Variants in RNF182 observed in about 807,000 individuals in gnomAD.
RNF182 encodes the protein ring finger protein 182.
RNF182 carries 15 observed loss-of-function variants against 14.4 expected under a neutral mutation model. The observed-to-expected ratio is 1.04, with a 90% CI of 0.70 to 1.60. The LOEUF (loss-of-function observed/expected upper bound fraction) is 1.60, where lower values mean the gene tolerates loss of function less well. RNF182 is among the 40% of genes most tolerant of loss of function. The pLI, the probability that RNF182 is intolerant of heterozygous loss-of-function variation, is 0.00. For missense variants in RNF182, 268 were observed against 294.8 expected (o/e 0.91, Z 0.67); for synonymous variants, 128 against 122.9 (o/e 1.04, Z -0.27).
chr6:13,965,840 A>G (rs746989002), intron 1 of RNF182, among the ~76,000 whole-genome samples: 11 of 152,194 alleles, frequency 7.2e-5, no homozygotes, highest in Non-Finnish European at 1.2e-4. Flanking sequence ...GACAGACTAA[A>G]ACCGAGGGCT....
chr6:13,928,848 T>G (rs1585027707), intron 1 of RNF182, among the ~76,000 whole-genome samples: 2 of 134,416 alleles, frequency 1.5e-5, no homozygotes, highest in African/African-American at 2.9e-5. Flanking sequence ...TGGCCAAAGG[T>G]GGTGCAGGGG....
At chr6:13,945,713 T>A (rs1339908575) in intron 1 of RNF182, among the ~76,000 whole-genome samples, 1 of 152,260 alleles carries the variant, frequency 6.6e-6, no homozygotes, top group Non-Finnish European at 1.5e-5. Context: ...AAAATGTTTA[T>A]TCCCTTGTTA....
Position 13,977,635 on chromosome 6 carries a change from C to A in RNF182, c.516C>A (p.Asn172Lys), listed in dbSNP as rs1342387863. 6.2e-7 allele frequency: 1 copy of A among 1,614,094 alleles called. No homozygotes were observed. Among genetic ancestry groups the A allele is most frequent in the Non-Finnish European group, 8.5e-7 (1 of 1,180,038 alleles). The change falls in exon 3 of 3, where the codon AAC (asparagine) becomes AAA (lysine). Residue 172 changes from asparagine to lysine, a missense_variant. By Grantham distance (94) the Asn-to-Lys change is moderately conservative. Transcript: ENST00000488300. ...TGTCACACAACTGGACTGTGTGGAA[C>A]TGCACGTCCCTGCTGTTTCAGACAT... ...TTVSHNWTVW[N>K]CTSLLFQTSI...
intron 1 of RNF182, among the ~76,000 whole-genome samples, chr6:13,948,914 A>G (rs576939646): frequency 6.6e-6 from 1 of 152,172 alleles, no homozygotes; most frequent in Non-Finnish European, 1.5e-5. Context: ...TTAATATTAC[A>G]TGAAAATCTT....
intron 1 of RNF182, among the ~76,000 whole-genome samples, chr6:13,946,512 G>A (rs1175490937): frequency 6.6e-6 from 1 of 152,132 alleles, no homozygotes; most frequent in Admixed American, 6.5e-5. Context: ...TAAGATATCA[G>A]GACATCAGGA....
chr6:13,937,591 G>T (rs1759164103), intron 1 of RNF182, among the ~76,000 whole-genome samples: 1 of 152,180 alleles, frequency 6.6e-6, no homozygotes, highest in East Asian at 1.9e-4. Context: ...CATTTGGGTT[G>T]TTCCCATTTC....
chr6:13,961,675 C>T (rs1410930533), intron 1 of RNF182: 1 of 152,194 alleles, frequency 6.6e-6, no homozygotes, highest in African/African-American at 2.4e-5. Flanking sequence ...AGTGGCCTCT[C>T]TTCCAAAATT....
At position 13,953,386 on chromosome 6, in the gene RNF182, G is replaced by C. The variant is rs117648589; in HGVS notation, c.-366-20824G>C. On this transcript the variant is annotated intron_variant, in intron 1 of 2. Coordinates refer to ENST00000488300, the MANE Select transcript of RNF182 (RefSeq NM_152737.4). ...AGTACTGCCCTGGGTGTGTGTGTAT[G>C]GTGGGGGGCAGAGGGGTGGTGGCAG... Among the ~76,000 whole-genome samples, 1,301 of 152,298 alleles carry C rather than the reference G, an allele frequency of 8.5e-3. 20 individuals carry two copies. Among genetic ancestry groups the C allele is most frequent in the East Asian group, 0.038 (196 of 5,180 alleles).
At chr6:13,975,294 G>A (rs1270066881) in intron 2 of RNF182, among the ~76,000 whole-genome samples, 4 of 152,172 alleles carry the variant, frequency 2.6e-5, no homozygotes, top group East Asian at 1.9e-4. Context: ...GCAGTGACAT[G>A]GGCATGTGTA....
In RNF182 at chr6:13,977,889, C is replaced by A; in HGVS notation, c.*26C>A. 1 of 1,587,328 alleles carries A rather than the reference C, an allele frequency of 6.3e-7. No homozygotes were observed. The highest frequency in any genetic ancestry group is 1.1e-5 in the South Asian group (1 of 87,604). ...CTGATATGCAAAATAAGAAATTGGA[C>A]ACACATTGCCCTGTTTGAGTGTGAA... is the stretch of plus-strand genomic sequence containing the variant. On this transcript the variant is annotated 3_prime_UTR_variant, in exon 3 of 3. Coordinates refer to ENST00000488300, the MANE Select transcript of RNF182 (RefSeq NM_152737.4).
intron 1 of RNF182, among the ~76,000 whole-genome samples, chr6:13,958,429 A>G (rs922223572): frequency 2.0e-5 from 3 of 152,154 alleles, no homozygotes; most frequent in African/African-American, 4.8e-5. Context: ...GAAAGTCTAC[A>G]TTATAAAATG....
At chr6:13,976,478 C>A (rs1349044021) in intron 2 of RNF182, among the ~76,000 whole-genome samples, 1 of 152,126 alleles carries the variant, frequency 6.6e-6, no homozygotes, top group Non-Finnish European at 1.5e-5. Flanking sequence ...TTTGTGTATT[C>A]CTAAGCACTA....
chr6:13,961,178 A>G (rs1190250675), intron 1 of RNF182, among the ~76,000 whole-genome samples: 2 of 152,232 alleles, frequency 1.3e-5, no homozygotes, highest in Admixed American at 6.5e-5. Context: ...TGCTGTACTT[A>G]CTATCTGCTC....
Position 13,979,600 on chromosome 6 carries a change from C to G in RNF182, c.*1737C>G, listed in dbSNP as rs145182908. On this transcript the variant is annotated 3_prime_UTR_variant, in exon 3 of 3. Transcript: ENST00000488300. ...ATTTCATAAAATCTAGTTTAGATAG[C>G]ATTGTGATGCAATTTCCAGAAATCC... 643 of 166,846 alleles carry G rather than the reference C, an allele frequency of 3.9e-3. 2 individuals carry two copies. The highest frequency in any genetic ancestry group is 6.0e-3 in the Non-Finnish European group (407 of 68,096). 10.3% of individuals were successfully genotyped at this position (166,846 alleles called of 1,614,324 possible).
intron 1 of RNF182, among the ~76,000 whole-genome samples, chr6:13,939,940 G>A (rs2113595418): frequency 6.6e-6 from 1 of 152,286 alleles, no homozygotes; most frequent in Non-Finnish European, 1.5e-5. Context: ...TGGATTTTCT[G>A]TGTACATCAC....
chr6:13,944,926 A>G (rs1029413694), intron 1 of RNF182, among the ~76,000 whole-genome samples: 1 of 152,070 alleles, frequency 6.6e-6, no homozygotes, highest in Non-Finnish European at 1.5e-5. Flanking sequence ...TTACATTAAT[A>G]ACAGTTAAGA....
chr6:13,945,428 C>T (rs1759413959), intron 1 of RNF182, among the ~76,000 whole-genome samples: 2 of 152,178 alleles, frequency 1.3e-5, no homozygotes, highest in African/African-American at 4.8e-5. Flanking sequence ...GATGGTACTT[C>T]AGCAGTGCCC....
chr6:13,937,452 A>G (rs1759160933), intron 1 of RNF182, among the ~76,000 whole-genome samples: 1 of 152,238 alleles, frequency 6.6e-6, no homozygotes, highest in Non-Finnish European at 1.5e-5. Context: ...GATAGCTTTC[A>G]CCAACTATTT....
At chr6:13,974,486 A>G (rs909451132) in intron 2 of RNF182, 122 bp downstream of exon 2, 14 of 152,238 alleles carry the variant, frequency 9.2e-5, no homozygotes, top group Non-Finnish European at 1.9e-4. Flanking sequence ...CTATCTTAAC[A>G]TACTCAGTAA....
Sources: allele counts gnomAD v4.1 joint callset (sites outside exome capture counted in the v4.1 genomes callset), GRCh38; gene constraint gnomAD v4.1.1; transcripts MANE v1.5; gene names NCBI Gene and HGNC (gene_info 2026-07-23, HGNC 2026-07-21).